Variants in IFT88 observed in about 807,000 individuals in gnomAD.
IFT88 encodes the protein intraflagellar transport protein 88 homolog.
IFT88 carries 74 observed loss-of-function variants against 119.5 expected under a neutral mutation model. The observed-to-expected ratio is 0.62, with a 90% CI of 0.51 to 0.75. The LOEUF is 0.75. Among genes scored for constraint, IFT88 ranks in the 30% least tolerant of loss-of-function variants. The pLI, the probability that IFT88 is intolerant of heterozygous loss-of-function variation, is 0.00. For synonymous variants in IFT88, 279 were observed against 316.7 expected (o/e 0.88, Z 1.26); for missense variants, 961 against 977.7 (o/e 0.98, Z 0.23).
chr13:20,631,671 T>C (rs975760413), intron 16 of IFT88: 1 of 152,546 alleles, frequency 6.6e-6, no homozygotes, highest in Non-Finnish European at 1.5e-5. Flanking sequence ...TTTAGGACTT[T>C]CAGGAAAGAT....
chr13:20,582,944 G>A lies in IFT88; in HGVS notation c.91-13G>A, dbSNP rs750047559. 8.1e-5 allele frequency: 130 copies of A among 1,605,976 alleles called. 1 individual carries two copies. The highest frequency in any genetic ancestry group is 1.8e-4 in the Admixed American group (11 of 59,584). On this transcript the variant is annotated splice_polypyrimidine_tract_variant and intron_variant, in intron 2 of 25. Transcript: ENST00000351808. Reference sequence around the variant, plus strand: ...ACTCTGTGTTGAATGTTAAATTTGCGTTTTCATTTTAGGAATTGGAGAATG... The same window carrying A: ...ACTCTGTGTTGAATGTTAAATTTGCATTTTCATTTTAGGAATTGGAGAATG...
At chr13:20,608,185 C>T (rs974916039) in intron 13 of IFT88, 1 of 297,422 alleles carries the variant, frequency 3.4e-6, no homozygotes, top group South Asian at 5.1e-5. Context: ...GACTGTTCTG[C>T]GACGGCTTCC....
chr13:20,641,039 T>C (rs576141233), intron 17 of IFT88, among the ~76,000 whole-genome samples: 71 of 152,152 alleles, frequency 4.7e-4, no homozygotes, highest in African/African-American at 1.4e-3. Context: ...CCTAGCTACT[T>C]GAGAGGCTGA....
intron 7 of IFT88, among the ~76,000 whole-genome samples, chr13:20,595,353 A>G (rs992180635): frequency 3.3e-5 from 5 of 151,918 alleles, no homozygotes; most frequent in Non-Finnish European, 2.9e-5. Context: ...CAGTGGCGCA[A>G]TATCACTCAC....
chr13:20,607,860 G>T, intron 13 of IFT88: 3 of 719,368 alleles, frequency 4.2e-6, no homozygotes, highest in South Asian at 2.7e-5. Context: ...TGATCATGCT[G>T]CCCAACCCAG....
intron 22 of IFT88, among the ~76,000 whole-genome samples, chr13:20,662,542 T>C (rs904081052): frequency 2.0e-5 from 3 of 152,246 alleles, no homozygotes; most frequent in African/African-American, 7.2e-5. Context: ...AACATCTATG[T>C]CTCTGGAAGG....
chr13:20,633,655 G>A (rs2048552929), intron 16 of IFT88, among the ~76,000 whole-genome samples: 1 of 152,182 alleles, frequency 6.6e-6, no homozygotes, highest in Admixed American at 6.5e-5. Flanking sequence ...ATTTAAAGAA[G>A]CAAAGAGAAT....
chr13:20,635,892 A>G (rs2480424), intron 16 of IFT88, among the ~76,000 whole-genome samples: 2 of 151,948 alleles, frequency 1.3e-5, no homozygotes, highest in Non-Finnish European at 2.9e-5. Context: ...TTTTTAACCT[A>G]AAGTAAAAAA....
intron 13 of IFT88, among the ~76,000 whole-genome samples, chr13:20,615,363 G>A (rs906535630): frequency 3.3e-5 from 5 of 151,890 alleles, no homozygotes; most frequent in African/African-American, 1.2e-4. Context: ...ATACACACAC[G>A]GATACAGATA....
At chr13:20,661,510 C>T (rs28560459) in intron 22 of IFT88, among the ~76,000 whole-genome samples, 4 of 152,054 alleles carry the variant, frequency 2.6e-5, no homozygotes, top group Non-Finnish European at 4.4e-5. Flanking sequence ...CCAAGACGGG[C>T]GAATCACGAG....
intron 23 of IFT88, among the ~76,000 whole-genome samples, chr13:20,667,399 T>A (rs1364650088): frequency 6.6e-6 from 1 of 152,170 alleles, no homozygotes; most frequent in East Asian, 1.9e-4. Flanking sequence ...CAGATGAGTC[T>A]GTGTGAGACA....
At chr13:20,582,611 T>G (rs553458572) in intron 2 of IFT88, among the ~76,000 whole-genome samples, 18 of 152,138 alleles carry the variant, frequency 1.2e-4, no homozygotes, top group African/African-American at 4.3e-4. Context: ...AAGAGAGATG[T>G]AAATCTCCAA....
At chr13:20,689,677 T>A (rs1428591086) in intron 24 of IFT88, among the ~76,000 whole-genome samples, 1 of 152,212 alleles carries the variant, frequency 6.6e-6, no homozygotes, top group Admixed American at 6.5e-5. Flanking sequence ...TTTAAAAGAT[T>A]GCTATATAGT....
At position 20,641,489 on chromosome 13, in the gene IFT88, A is replaced by G; in HGVS notation, c.1682+91A>G. The G allele has an allele frequency of 4.2e-6, 3 of 712,284 alleles. No homozygotes were observed. In the South Asian group the frequency reaches 5.5e-5, roughly 13 times the overall value. 44.1% of individuals were successfully genotyped at this position (712,284 alleles called of 1,614,324 possible). A position where few individuals can be genotyped will look rare whatever the true frequency, so the allele number is the denominator to read the frequency against. On this transcript the variant is annotated intron_variant, in intron 18 of 25. Transcript: ENST00000351808. ...TTAAATAAGTTTAACTAATGAAGTA[A>G]TTGATGAGGATAATATTTGAAGTAA...
intron 16 of IFT88, among the ~76,000 whole-genome samples, chr13:20,636,460 A>G (rs570744580): frequency 3.0e-4 from 46 of 152,294 alleles, no homozygotes; most frequent in African/African-American, 9.1e-4. Flanking sequence ...CTCTTCCTAT[A>G]CCTGATCAAT....
chr13:20,607,283 G>A (rs887576960), intron 13 of IFT88: 16 of 434,878 alleles, frequency 3.7e-5, no homozygotes, highest in Admixed American at 1.4e-4. Flanking sequence ...CCCGTACTGC[G>A]TGCTGCCACT....
rs976216837 is a variant in IFT88 at position 20,576,211 on chromosome 13, C to G, written c.90+1736C>G. Among the ~76,000 whole-genome samples, 5 of 129,140 alleles carry G rather than the reference C, an allele frequency of 3.9e-5. No individual in the cohort carries two copies. In the East Asian group the frequency reaches 1.0e-3, roughly 27 times the overall value. The allele number at this position is 129,140 out of a possible 152,430, so 84.7% of individuals were successfully genotyped here. A position where few individuals can be genotyped will look rare whatever the true frequency, so the allele number is the denominator to read the frequency against. ...TCAGATCTTTTGCCCATTTTTAAAT[C>G]AGATTATTAGATTTTTTCCTACAGA... On this transcript the variant is annotated intron_variant, in intron 2 of 25. Coordinates refer to ENST00000351808, the MANE Select transcript of IFT88 (RefSeq NM_006531.5).
intron 3 of IFT88, among the ~76,000 whole-genome samples, chr13:20,588,982 T>A (rs2040206218): frequency 6.6e-6 from 1 of 152,128 alleles, no homozygotes; most frequent in Non-Finnish European, 1.5e-5. Flanking sequence ...AGGCTGTGAG[T>A]CTCAAAAGCT....
chr13:20,596,731 T>C (rs1304065179), intron 8 of IFT88, among the ~76,000 whole-genome samples: 1 of 152,196 alleles, frequency 6.6e-6, no homozygotes, highest in Non-Finnish European at 1.5e-5. Flanking sequence ...TGTCATATCA[T>C]ATAAATATAA....
Sources: allele counts gnomAD v4.1 joint callset (sites outside exome capture counted in the v4.1 genomes callset), GRCh38; gene constraint gnomAD v4.1.1; transcripts MANE v1.5; gene names NCBI Gene and HGNC (gene_info 2026-07-23, HGNC 2026-07-21).